Variants in MALRD1 observed in about 807,000 individuals in gnomAD.
The protein encoded by MALRD1 is MAM and LDL-receptor class A domain-containing protein 1.
MALRD1 carries 247 observed loss-of-function variants against 242.1 expected under a neutral mutation model. The ratio of observed to expected loss-of-function variants is 1.02; its 90% CI spans 0.92 to 1.13. MALRD1 has a LOEUF of 1.13. Ranked by LOEUF, MALRD1 falls within the 50% of genes most tolerant of loss-of-function variation. The pLI, the probability that MALRD1 is intolerant of heterozygous loss-of-function variation, is 0.00. For missense variants in MALRD1, 2,989 were observed against 2,533.1 expected (o/e 1.18, Z -3.86); for synonymous variants, 995 against 866.6 (o/e 1.15, Z -2.60).
intron 2 of MALRD1, among the ~76,000 whole-genome samples, chr10:19,085,094 A>G (rs1835623597): frequency 6.6e-6 from 1 of 151,982 alleles, no homozygotes; most frequent in Non-Finnish European, 1.5e-5. Flanking sequence ...GAAGTACAAG[A>G]GGTTTATAGA....
At chr10:19,050,833 T>A (rs1834471579) in intron 1 of MALRD1, among the ~76,000 whole-genome samples, 1 of 152,168 alleles carries the variant, frequency 6.6e-6, no homozygotes, top group Non-Finnish European at 1.5e-5. Context: ...TCTATGAAGC[T>A]TCCTTCAGTA....
rs987576692 is a variant in MALRD1 at position 19,163,249 on chromosome 10, C to G, written c.1657-2388C>G. 2.0e-5 allele frequency among the ~76,000 whole-genome samples: 3 copies of G among 149,180 alleles called. No homozygotes were observed. The Admixed American group carries it at 2.0e-4, about 10-fold the overall frequency. On this transcript the variant is annotated intron_variant, in intron 12 of 39. Transcript: ENST00000454679. Reference sequence around the variant, plus strand: ...TTTACAATAGCAAGGATATGGAATCCACCTAGATGCCCAGCAATGACAGAT... The same window carrying G: ...TTTACAATAGCAAGGATATGGAATCGACCTAGATGCCCAGCAATGACAGAT...
At position 19,138,231 on chromosome 10, in the gene MALRD1, G is replaced by T. The variant is rs1215942069; in HGVS notation, c.1411+1450G>T. On this transcript the variant is annotated intron_variant, in intron 10 of 39. Coordinates refer to ENST00000454679, the MANE Select transcript of MALRD1 (RefSeq NM_001142308.3). ...AGCTTTTGGGCTGCTCTCTTCTTTT[G>T]TTCAAAACAAACGATGTAAGAGCAA... 3.3e-5 allele frequency among the ~76,000 whole-genome samples: 5 copies of T among 152,030 alleles called. No individual in the cohort carries two copies. The South Asian group carries it at 6.2e-4, about 19-fold the overall frequency.
intron 26 of MALRD1, among the ~76,000 whole-genome samples, chr10:19,358,623 T>C (rs767259543): frequency 6.6e-6 from 1 of 152,198 alleles, no homozygotes; most frequent in Non-Finnish European, 1.5e-5. Flanking sequence ...CTCTAATTCC[T>C]ATCTTTACGT....
chr10:19,211,487 G>T (rs1837064066), intron 18 of MALRD1, among the ~76,000 whole-genome samples: 1 of 151,840 alleles, frequency 6.6e-6, no homozygotes, highest in Non-Finnish European at 1.5e-5. Flanking sequence ...GAGGTCAGGA[G>T]ATCAAGACCA....
At chr10:19,514,940 A>G (rs1276603741) in intron 31 of MALRD1, among the ~76,000 whole-genome samples, 9 of 152,118 alleles carry the variant, frequency 5.9e-5, no homozygotes, top group Non-Finnish European at 1.3e-4. Flanking sequence ...CTTAAAAATA[A>G]TTCCCTTCTA....
At chr10:19,354,534 C>A (rs7909149) in intron 26 of MALRD1, among the ~76,000 whole-genome samples, 1 of 151,780 alleles carries the variant, frequency 6.6e-6, no homozygotes, top group Non-Finnish European at 1.5e-5. Context: ...TCCCCACTAC[C>A]CTTTCCAGCC....
intron 29 of MALRD1, among the ~76,000 whole-genome samples, chr10:19,478,472 G>A (rs3852458): frequency 0.86 from 131,160 of 152,184 alleles, 56,684 homozygotes; most frequent in East Asian, 1. Flanking sequence ...AACACACAAC[G>A]TATCTCATCA....
chr10:19,154,699 G>A (rs1348620855), intron 11 of MALRD1, among the ~76,000 whole-genome samples: 2 of 152,090 alleles, frequency 1.3e-5, no homozygotes, highest in African/African-American at 4.8e-5. Flanking sequence ...CATATCCTTC[G>A]GTACTTTGTG....
At chr10:19,107,097 T>G (rs1006704675) in intron 5 of MALRD1, among the ~76,000 whole-genome samples, 1 of 152,000 alleles carries the variant, frequency 6.6e-6, no homozygotes, top group Non-Finnish European at 1.5e-5. Flanking sequence ...AAAATGTGTA[T>G]TTTGTAATTA....
chr10:19,054,187 T>G (rs1834596865), intron 1 of MALRD1, among the ~76,000 whole-genome samples: 1 of 152,220 alleles, frequency 6.6e-6, no homozygotes, highest in Admixed American at 6.5e-5. Context: ...ATTGCTTCTG[T>G]GCTGACTCAC....
chr10:19,267,190 C>T (rs2131836377), intron 19 of MALRD1, among the ~76,000 whole-genome samples: 1 of 152,060 alleles, frequency 6.6e-6, no homozygotes, highest in South Asian at 2.1e-4. Context: ...TTTAAATTTT[C>T]AGATATCAGC....
At chr10:19,635,597 T>C (rs1840093296) in intron 36 of MALRD1, among the ~76,000 whole-genome samples, 1 of 152,010 alleles carries the variant, frequency 6.6e-6, no homozygotes, top group Admixed American at 6.6e-5. Context: ...AGAAGAACAG[T>C]GATGATATAT....
chr10:19,438,060 T>C (rs2496078), intron 28 of MALRD1, among the ~76,000 whole-genome samples: 108,837 of 151,888 alleles, frequency 0.72, 39,127 homozygotes, highest in Non-Finnish European at 0.75. Context: ...AAAGTCTATT[T>C]AAGAGCTCTT....
At chr10:19,146,447 G>A in intron 11 of MALRD1, 103 bp downstream of exon 11, 1 of 1,037,952 alleles carries the variant, frequency 9.6e-7, no homozygotes, top group Non-Finnish European at 1.2e-6. Context: ...TGTATACATG[G>A]AACTCTGGTT....
chr10:19,585,970 T>A (rs1428594279), intron 33 of MALRD1, among the ~76,000 whole-genome samples: 2 of 152,152 alleles, frequency 1.3e-5, no homozygotes, highest in Admixed American at 6.5e-5. Context: ...CTTCATTTCA[T>A]TCATTTCATC....
chr10:19,526,213 A>G (rs1055053794), intron 31 of MALRD1, among the ~76,000 whole-genome samples: 1 of 152,128 alleles, frequency 6.6e-6, no homozygotes, highest in African/African-American at 2.4e-5. Flanking sequence ...TGAGCTTGCT[A>G]GATAAAGAAT....
At chr10:19,392,791 G>T (rs1404422890) in intron 28 of MALRD1, among the ~76,000 whole-genome samples, 4 of 152,130 alleles carry the variant, frequency 2.6e-5, no homozygotes, top group Non-Finnish European at 4.4e-5. Context: ...ACCTTTAAAA[G>T]GATGTAGTTA....
intron 14 of MALRD1, among the ~76,000 whole-genome samples, chr10:19,188,430 C>T (rs1005934516): frequency 6.6e-6 from 1 of 152,046 alleles, no homozygotes; most frequent in Admixed American, 6.6e-5. Flanking sequence ...TATATCTGAA[C>T]AAATTTTATT....
Sources: gnomAD v4.1 joint callset for allele counts (sites outside exome capture counted in the v4.1 genomes callset) on GRCh38, gnomAD v4.1.1 for gene constraint, MANE v1.5 for transcripts, NCBI Gene and HGNC (gene_info 2026-07-23, HGNC 2026-07-21) for gene names.